RORA: variants seen among roughly 807,000 people sequenced by gnomAD.
The protein encoded by RORA is RAR related orphan receptor A.
RORA carries 7 observed loss-of-function variants against 69.5 expected under a neutral mutation model. The observed-to-expected ratio is 0.10, with a 90% CI of 0.06 to 0.19. The LOEUF (loss-of-function observed/expected upper bound fraction) is 0.19. RORA is among the 10% of genes least tolerant of loss of function. The pLI is 1.00. For missense variants in RORA, 457 were observed against 663.0 expected, an observed-to-expected ratio of 0.69 and a Z score of 3.41; for synonymous variants, 261 against 240.8, an observed-to-expected ratio of 1.08 and a Z score of -0.78.
rs535038919 is a variant in RORA, at chr15:60,604,119, C to T, written c.197-72268G>A. ...CTGCACTCCAGCCTGGGTGACAGAG[C>T]GAGACTCTGTCTCAAAAAAAAAAAA... On this transcript the variant is annotated intron_variant, in intron 2 of 10. Transcript: ENST00000335670. Among the ~76,000 whole-genome samples, 498 of 117,340 alleles carry T rather than the reference C, an allele frequency of 4.2e-3. 1 individual carries two copies. The highest frequency in any genetic ancestry group is 0.016 in the African/African-American group (472 of 29,188). 77.0% of individuals were successfully genotyped at this position (117,340 alleles called of 152,430 possible). A position where few individuals can be genotyped will look rare whatever the true frequency, so the allele number is the denominator to read the frequency against.
chr15:60,624,338 A>T (rs1373794130), intron 2 of RORA, among the ~76,000 whole-genome samples: 5 of 151,228 alleles, frequency 3.3e-5, no homozygotes, highest in Non-Finnish European at 7.4e-5. Context: ...AGAGACTAGC[A>T]GAGACTTAGA....
intron 2 of RORA, among the ~76,000 whole-genome samples, chr15:60,653,852 C>T (rs61185699): frequency 0.022 from 3,330 of 152,036 alleles, 102 homozygotes; most frequent in East Asian, 0.1. Flanking sequence ...TGTTGGCTGT[C>T]TTATTTGCCT....
At chr15:60,857,979 G>C (rs531241875) in intron 1 of RORA, among the ~76,000 whole-genome samples, 2 of 152,202 alleles carry the variant, frequency 1.3e-5, no homozygotes, top group Non-Finnish European at 2.9e-5. Flanking sequence ...CTCTGAGATC[G>C]GTCACACTGG....
intron 1 of RORA, among the ~76,000 whole-genome samples, chr15:60,857,241 G>C (rs2073389946): frequency 6.6e-6 from 1 of 152,122 alleles, no homozygotes; most frequent in Non-Finnish European, 1.5e-5. Flanking sequence ...GAACATGTTA[G>C]GGAAAGCTTT....
intron 1 of RORA, among the ~76,000 whole-genome samples, chr15:60,815,382 A>C (rs978101069): frequency 3.3e-5 from 5 of 152,112 alleles, no homozygotes; most frequent in Admixed American, 6.5e-5. Context: ...TTTGTCTTAC[A>C]TTTCAAAACT....
chr15:60,672,901 A>G (rs1356139879), intron 2 of RORA, among the ~76,000 whole-genome samples: 1 of 152,236 alleles, frequency 6.6e-6, no homozygotes, highest in Non-Finnish European at 1.5e-5. Context: ...GAAACTAAGC[A>G]TATTGCAAAC....
intron 2 of RORA, chr15:60,592,831 G>A (rs1486521395): frequency 5.9e-6 from 3 of 512,532 alleles, no homozygotes; most frequent in Non-Finnish European, 1.1e-5. Context: ...TCGCTTTTCT[G>A]CACGCAGCGC....
At chr15:60,593,102 GCTC>G (rs142090415) in intron 2 of RORA, 19,029 of 336,992 alleles carry the variant, frequency 0.056, 725 homozygotes, top group East Asian at 0.12. Context: ...AGTGGAGTAA[GCTC>G]CTCCGAAGTC....
intron 1 of RORA, among the ~76,000 whole-genome samples, chr15:61,067,106 CT>C (rs896050173): frequency 6.0e-5 from 9 of 149,186 alleles, no homozygotes; most frequent in South Asian, 4.2e-4. Context: ...TTAGTCTAAA[CT>C]TTTTTTCTTT....
intron 1 of RORA, among the ~76,000 whole-genome samples, chr15:61,117,124 A>AT (rs1434657124): frequency 1.3e-5 from 2 of 148,390 alleles, no homozygotes; most frequent in Non-Finnish European, 3.0e-5. Flanking sequence ...ATGGTGCTAC[A>AT]TTTTTTTTCA....
intron 1 of RORA, among the ~76,000 whole-genome samples, chr15:61,136,457 C>CAAGCAAAAT (rs1440066615): frequency 6.6e-6 from 1 of 152,172 alleles, no homozygotes; most frequent in Non-Finnish European, 1.5e-5. Context: ...ATCAACAACT[C>CAAGCAAAAT]AAGCAAAATC....
chr15:60,906,001 G>T (rs769069391), intron 1 of RORA, among the ~76,000 whole-genome samples: 1 of 152,148 alleles, frequency 6.6e-6, no homozygotes, highest in Non-Finnish European at 1.5e-5. Context: ...TCTACAAAAA[G>T]ACTTCTCTCT....
At chr15:60,937,114 C>T (rs1237845516) in intron 1 of RORA, among the ~76,000 whole-genome samples, 1 of 152,110 alleles carries the variant, frequency 6.6e-6, no homozygotes, top group African/African-American at 2.4e-5. Flanking sequence ...TTATTATCAA[C>T]CCATTCAATG....
At chr15:60,941,949 A>C (rs769972051) in intron 1 of RORA, among the ~76,000 whole-genome samples, 3 of 152,226 alleles carry the variant, frequency 2.0e-5, no homozygotes, top group Non-Finnish European at 2.9e-5. Flanking sequence ...TGATCTTTGC[A>C]TTACCCACCA....
chr15:61,161,682 T>A (rs904721340), intron 1 of RORA, among the ~76,000 whole-genome samples: 3 of 152,118 alleles, frequency 2.0e-5, no homozygotes, highest in African/African-American at 7.2e-5. Flanking sequence ...ATCTAGTATT[T>A]GAATCTTTAA....
At chr15:60,753,883 T>A (rs1328227407) in intron 1 of RORA, among the ~76,000 whole-genome samples, 1 of 152,218 alleles carries the variant, frequency 6.6e-6, no homozygotes, top group Admixed American at 6.5e-5. Flanking sequence ...TATTATCCCG[T>A]TTGATCCTTG....
chr15:60,660,066 T>G (rs1289303326), intron 2 of RORA, among the ~76,000 whole-genome samples: 1 of 152,222 alleles, frequency 6.6e-6, no homozygotes, highest in Non-Finnish European at 1.5e-5. Context: ...ATCAATCATC[T>G]AAAAATTTTT....
intron 1 of RORA, among the ~76,000 whole-genome samples, chr15:61,212,340 A>G (rs748029908): frequency 1.3e-5 from 2 of 152,200 alleles, no homozygotes; most frequent in Non-Finnish European, 1.5e-5. Context: ...GTGAAATGCA[A>G]CCCGAAACAG....
chr15:61,037,778 G>A (rs1345777132), intron 1 of RORA, among the ~76,000 whole-genome samples: 4 of 152,180 alleles, frequency 2.6e-5, no homozygotes, highest in Non-Finnish European at 5.9e-5. Context: ...AAGGCAAGGT[G>A]GCCTGAGATG....
Sources: gnomAD v4.1 joint callset for allele counts (sites outside exome capture counted in the v4.1 genomes callset) on GRCh38, gnomAD v4.1.1 for gene constraint, MANE v1.5 for transcripts, NCBI Gene and HGNC (gene_info 2026-07-23, HGNC 2026-07-21) for gene names.